ADAMTSL1: variants seen among roughly 807,000 people sequenced by gnomAD.
ADAMTSL1 encodes ADAMTS like 1.
A neutral mutation model predicts 201.8 loss-of-function variants in ADAMTSL1; 126 were observed. The observed-to-expected ratio is 0.62, with a 90% CI of 0.54 to 0.72. ADAMTSL1 has a LOEUF of 0.72. Ranked by LOEUF, ADAMTSL1 falls within the 30% of genes least tolerant of loss-of-function variation. The pLI is 0.00. For missense variants in ADAMTSL1, 2,679 were observed against 2,277.8 expected, an observed-to-expected ratio of 1.18 and a Z score of -3.59; for synonymous variants, 1,121 against 903.4, an observed-to-expected ratio of 1.24 and a Z score of -4.32.
chr9:18,202,555 C>G (rs1829493304), intron 2 of ADAMTSL1, among the ~76,000 whole-genome samples: 1 of 152,196 alleles, frequency 6.6e-6, no homozygotes, highest in African/African-American at 2.4e-5. Flanking sequence ...GTCTCCCACA[C>G]TTCTCTTCCA....
intron 2 of ADAMTSL1, among the ~76,000 whole-genome samples, chr9:18,281,165 T>A (rs1006670976): frequency 8.5e-5 from 13 of 152,130 alleles, no homozygotes; most frequent in African/African-American, 3.1e-4. Flanking sequence ...TAAATGGCAA[T>A]GCAGATATAA....
chr9:18,015,474 A>AT (rs1309104710), intron 1 of ADAMTSL1, among the ~76,000 whole-genome samples: 1 of 152,096 alleles, frequency 6.6e-6, no homozygotes, highest in Non-Finnish European at 1.5e-5. Context: ...AAGCAGAGAC[A>AT]TTTTGATCCT....
At chr9:18,623,009 C>T (rs946342751) in intron 5 of ADAMTSL1, among the ~76,000 whole-genome samples, 2 of 152,174 alleles carry the variant, frequency 1.3e-5, no homozygotes, top group Non-Finnish European at 2.9e-5. Context: ...GATTCTCTTG[C>T]CTCAACCTTG....
chr9:18,167,143 G>A (rs765669953), intron 2 of ADAMTSL1, among the ~76,000 whole-genome samples: 14 of 151,864 alleles, frequency 9.2e-5, no homozygotes, highest in Non-Finnish European at 1.8e-4. Context: ...GCTTTTATTC[G>A]TTATTGAAAT....
intron 2 of ADAMTSL1, among the ~76,000 whole-genome samples, chr9:18,396,587 T>C: frequency 6.7e-6 from 1 of 148,512 alleles, no homozygotes; most frequent in Middle Eastern, 3.6e-3. Context: ...TTAATAAATA[T>C]TAAATTTTAA....
At chr9:17,919,590 G>C (rs905371969) in intron 1 of ADAMTSL1, among the ~76,000 whole-genome samples, 1 of 151,936 alleles carries the variant, frequency 6.6e-6, no homozygotes, top group African/African-American at 2.4e-5. Flanking sequence ...TTTTGTGACT[G>C]TCTGATTTCA....
intron 2 of ADAMTSL1, among the ~76,000 whole-genome samples, chr9:18,390,598 C>G (rs568450800): frequency 6.6e-6 from 1 of 152,292 alleles, no homozygotes; most frequent in South Asian, 2.1e-4. Flanking sequence ...GAGCCACATG[C>G]TGTAATCATC....
chr9:18,219,234 CTT>C, intron 2 of ADAMTSL1, among the ~76,000 whole-genome samples: 1 of 151,930 alleles, frequency 6.6e-6, no homozygotes, highest in East Asian at 1.9e-4. Context: ...AGAAAAAACT[CTT>C]TTGTAATTAG....
intron 2 of ADAMTSL1, among the ~76,000 whole-genome samples, chr9:18,229,466 C>T (rs897164490): frequency 6.6e-6 from 1 of 151,494 alleles, no homozygotes; most frequent in African/African-American, 2.4e-5. Context: ...TAGATGGAGA[C>T]AGATTTTAGG....
At chr9:18,433,627 T>A (rs1819594182) in intron 2 of ADAMTSL1, among the ~76,000 whole-genome samples, 1 of 152,088 alleles carries the variant, frequency 6.6e-6, no homozygotes, top group East Asian at 1.9e-4. Flanking sequence ...AGGCAAAATT[T>A]GAAAAGGAAA....
At position 18,381,836 on chromosome 9, in the gene ADAMTSL1, G is replaced by A. The variant is rs934234307; in HGVS notation, c.208-122993G>A. ...CATGCTCCTGGTGAACTATCTCACCGTCATCAGTAAGGATGATTTTAAAGA... is the reference window on the plus strand; with the variant it reads ...CATGCTCCTGGTGAACTATCTCACCATCATCAGTAAGGATGATTTTAAAGA... On this transcript the variant is annotated intron_variant, in intron 2 of 29. Transcript: ENST00000680146. 4.6e-5 allele frequency among the ~76,000 whole-genome samples: 7 copies of A among 152,020 alleles called. No individual in the cohort carries two copies. The East Asian group carries it at 5.8e-4, about 13-fold the overall frequency.
chr9:17,982,665 C>T (rs568625009), intron 1 of ADAMTSL1, among the ~76,000 whole-genome samples: 1 of 152,010 alleles, frequency 6.6e-6, no homozygotes, highest in South Asian at 2.1e-4. Flanking sequence ...GGATATAGTC[C>T]AGCAAACTGA....
chr9:18,844,770 C>T (rs150931811), intron 23 of ADAMTSL1, among the ~76,000 whole-genome samples: 13,353 of 152,238 alleles, frequency 0.088, 817 homozygotes, highest in East Asian at 0.22. Context: ...GCCTTGCTGC[C>T]GCATTGCAGT....
chr9:17,992,515 T>C (rs982849819), intron 1 of ADAMTSL1, among the ~76,000 whole-genome samples: 3 of 152,162 alleles, frequency 2.0e-5, no homozygotes, highest in African/African-American at 7.2e-5. Flanking sequence ...GGAAGCTGGA[T>C]GCAGTGATCC....
chr9:17,982,125 G>C (rs1381046811), intron 1 of ADAMTSL1, among the ~76,000 whole-genome samples: 1 of 152,058 alleles, frequency 6.6e-6, no homozygotes, highest in Non-Finnish European at 1.5e-5. Flanking sequence ...CCTCTCTCTT[G>C]TTTTATAGTT....
intron 1 of ADAMTSL1, among the ~76,000 whole-genome samples, chr9:18,503,643 A>G (rs893199530): frequency 1.2e-4 from 19 of 152,100 alleles, no homozygotes; most frequent in African/African-American, 4.6e-4. Flanking sequence ...AGAGCTAGGA[A>G]GCTCTAAAGC....
chr9:18,296,766 G>A (rs1279283322), intron 2 of ADAMTSL1, among the ~76,000 whole-genome samples: 3 of 152,138 alleles, frequency 2.0e-5, no homozygotes, highest in East Asian at 3.9e-4. Flanking sequence ...GCATTTTACT[G>A]TAGATCATCC....
At chr9:18,688,690 AT>A (rs1292057791) in intron 13 of ADAMTSL1, among the ~76,000 whole-genome samples, 32 of 28,806 alleles carry the variant, frequency 1.1e-3, no homozygotes, top group Non-Finnish European at 2.2e-3. Flanking sequence ...AAAAAAAAAA[AT>A]ATATATATAT....
chr9:18,620,968 G>A (rs1826001692), intron 4 of ADAMTSL1, among the ~76,000 whole-genome samples: 2 of 152,066 alleles, frequency 1.3e-5, no homozygotes, highest in South Asian at 4.1e-4. Context: ...CTAAACATGT[G>A]TTTGCAATTA....
Sources: allele counts gnomAD v4.1 joint callset (sites outside exome capture counted in the v4.1 genomes callset), GRCh38; gene constraint gnomAD v4.1.1; transcripts MANE v1.5; gene names NCBI Gene and HGNC (gene_info 2026-07-23, HGNC 2026-07-21).